CMSS1: variants seen among roughly 807,000 people sequenced by gnomAD.
CMSS1 encodes cms1 ribosomal small subunit homolog, also known as protein CMSS1.
CMSS1 carries 33 observed loss-of-function variants against 43.5 expected under a neutral mutation model. The ratio of observed to expected loss-of-function variants is 0.76; its 90% confidence interval spans 0.57 to 1.01. CMSS1 has a LOEUF of 1.01. Among genes scored for constraint, CMSS1 ranks in the 50% least tolerant of loss-of-function variants. The pLI, the probability that CMSS1 is intolerant of heterozygous loss-of-function variation, is 0.00. For missense variants in CMSS1, 313 were observed against 326.4 expected (o/e 0.96, Z 0.32); for synonymous variants, 115 against 117.2 (o/e 0.98, Z 0.12).
intron 1 of CMSS1, among the ~76,000 whole-genome samples, chr3:100,095,536 T>C (rs756069332): frequency 5.5e-4 from 83 of 152,134 alleles, no homozygotes; most frequent in Non-Finnish European, 5.6e-4. Context: ...GTCTCTCCAA[T>C]AAATGGTGCT....
chr3:100,037,032 G>A (rs1212388946), intron 1 of CMSS1, among the ~76,000 whole-genome samples: 1 of 152,090 alleles, frequency 6.6e-6, no homozygotes, highest in Non-Finnish European at 1.5e-5. Flanking sequence ...AGAAACCAAA[G>A]AGACATAAAA....
At chr3:99,912,333 C>T (rs1266321843) in intron 1 of CMSS1, among the ~76,000 whole-genome samples, 2 of 152,118 alleles carry the variant, frequency 1.3e-5, no homozygotes, top group Non-Finnish European at 2.9e-5. Flanking sequence ...TGGTTTCTAG[C>T]GGCTGTAGTG....
chr3:99,858,690 G>A (rs1236368596), intron 1 of CMSS1, among the ~76,000 whole-genome samples: 4 of 152,082 alleles, frequency 2.6e-5, no homozygotes, highest in East Asian at 1.9e-4. Context: ...ATCATCACAC[G>A]TCATGGAGCC....
At chr3:100,094,001 T>C (rs867312872) in intron 1 of CMSS1, among the ~76,000 whole-genome samples, 2 of 152,210 alleles carry the variant, frequency 1.3e-5, no homozygotes, top group Non-Finnish European at 1.5e-5. Flanking sequence ...GCTGGGTTCA[T>C]ATGGTAGTTT....
intron 1 of CMSS1, among the ~76,000 whole-genome samples, chr3:99,893,408 G>A (rs1014916970): frequency 3.9e-5 from 6 of 152,114 alleles, no homozygotes; most frequent in Middle Eastern, 3.4e-3. Flanking sequence ...CTCGTGATCC[G>A]CCTGTCTCGG....
At chr3:100,170,898 G>C (rs1001449820) in intron 6 of CMSS1, among the ~76,000 whole-genome samples, 12 of 152,190 alleles carry the variant, frequency 7.9e-5, no homozygotes, top group African/African-American at 2.9e-4. Context: ...TACCCTACAA[G>C]TGTTTGGCAC....
chr3:100,157,884 C>T (rs2066989804), intron 2 of CMSS1, among the ~76,000 whole-genome samples: 1 of 152,124 alleles, frequency 6.6e-6, no homozygotes, highest in African/African-American at 2.4e-5. Context: ...TCTTTTTTAA[C>T]CCTTTACTCT....
intron 1 of CMSS1, among the ~76,000 whole-genome samples, chr3:100,013,985 C>T (rs1328799666): frequency 6.6e-6 from 1 of 152,080 alleles, no homozygotes; most frequent in African/African-American, 2.4e-5. Context: ...CTTCCCACTG[C>T]CCCTTGCTCC....
chr3:100,172,067 T>TCCCC, intron 7 of CMSS1, 168 bp downstream of exon 7: 1 of 646,532 alleles, frequency 1.5e-6, no homozygotes, highest in Non-Finnish European at 2.7e-6. Context: ...CATACCTACC[T>TCCCC]CCCCAGTATG....
intron 1 of CMSS1, among the ~76,000 whole-genome samples, chr3:100,143,771 G>T (rs184060743): frequency 5.2e-4 from 79 of 152,212 alleles, no homozygotes; most frequent in African/African-American, 1.8e-3. Context: ...ATTTAGGATT[G>T]CTATGTCTTC....
chr3:99,967,820 C>T (rs987206830), intron 1 of CMSS1, among the ~76,000 whole-genome samples: 1 of 152,098 alleles, frequency 6.6e-6, no homozygotes, highest in African/African-American at 2.4e-5. Flanking sequence ...CTTTTATATA[C>T]ATGATTTTGA....
chr3:99,828,262 T>C (rs938935528), intron 1 of CMSS1, among the ~76,000 whole-genome samples: 11 of 152,178 alleles, frequency 7.2e-5, no homozygotes, highest in African/African-American at 1.7e-4. Context: ...TGTCATACCA[T>C]TGCTATCTCT....
intron 1 of CMSS1, among the ~76,000 whole-genome samples, chr3:100,056,536 C>T (rs1218322702): frequency 6.6e-6 from 1 of 152,182 alleles, no homozygotes; most frequent in African/African-American, 2.4e-5. Flanking sequence ...ATTTTAGCCT[C>T]CAGGTCAGAA....
intron 1 of CMSS1, chr3:99,848,958 A>C: frequency 6.2e-7 from 1 of 1,614,138 alleles, no homozygotes; most frequent in Non-Finnish European, 8.5e-7. Context: ...GGTCTGGAGT[A>C]ACCTTTATAT....
At chr3:100,120,874 C>T (rs1435179620) in intron 1 of CMSS1, among the ~76,000 whole-genome samples, 1 of 152,060 alleles carries the variant, frequency 6.6e-6, no homozygotes, top group African/African-American at 2.4e-5. Flanking sequence ...CAGAGGACAC[C>T]GAGTCAACCC....
intron 1 of CMSS1, among the ~76,000 whole-genome samples, chr3:99,868,545 G>A (rs376716901): frequency 2.0e-5 from 3 of 152,272 alleles, no homozygotes; most frequent in African/African-American, 4.8e-5. Context: ...GCTTCATCAC[G>A]TTTAAGCTTC....
intron 1 of CMSS1, among the ~76,000 whole-genome samples, chr3:100,062,344 C>CAT (rs1457692847): frequency 6.6e-6 from 1 of 151,894 alleles, no homozygotes; most frequent in Non-Finnish European, 1.5e-5. Flanking sequence ...ATCTCCTGAC[C>CAT]TCGCGATCCA....
At chr3:99,981,552 G>C (rs552323055) in intron 1 of CMSS1, among the ~76,000 whole-genome samples, 2 of 152,228 alleles carry the variant, frequency 1.3e-5, no homozygotes, top group African/African-American at 4.8e-5. Flanking sequence ...TCATCACACA[G>C]TGTATATCTA....
intron 1 of CMSS1, among the ~76,000 whole-genome samples, chr3:99,894,966 G>T (rs932938312): frequency 2.6e-5 from 4 of 152,290 alleles, no homozygotes; most frequent in Admixed American, 2.6e-4. Flanking sequence ...TAACAAATGT[G>T]TTCCAGGTTC....
Sources: gnomAD v4.1 joint callset for allele counts (sites outside exome capture counted in the v4.1 genomes callset) on GRCh38, gnomAD v4.1.1 for gene constraint, MANE v1.5 for transcripts, NCBI Gene and HGNC (gene_info 2026-07-23, HGNC 2026-07-21) for gene names.